ADAMTS17: variants seen among roughly 807,000 people sequenced by gnomAD.
ADAMTS17 encodes ADAM metallopeptidase with thrombospondin type 1 motif 17.
Under a neutral mutation model 141.5 loss-of-function variants are expected in ADAMTS17, and 113 were observed. The observed-to-expected ratio is 0.80, with a 90% confidence interval of 0.69 to 0.93. The LOEUF is 0.93. Among genes scored for constraint, ADAMTS17 ranks in the 40% least tolerant of loss-of-function variants. The pLI is 0.00. For missense variants in ADAMTS17, 1,659 were observed against 1,517.9 expected (o/e 1.09, Z -1.54); for synonymous variants, 768 against 630.6 (o/e 1.22, Z -3.27).
intron 8 of ADAMTS17, among the ~76,000 whole-genome samples, chr15:100,197,667 T>TC (rs2041170706): frequency 6.6e-6 from 1 of 152,142 alleles, no homozygotes; most frequent in South Asian, 2.1e-4. Context: ...TGGGTCAGTA[T>TC]CATGGGATTT....
At chr15:100,023,641 G>A (rs964087908) in intron 18 of ADAMTS17, among the ~76,000 whole-genome samples, 5 of 152,166 alleles carry the variant, frequency 3.3e-5, no homozygotes, top group Non-Finnish European at 7.3e-5. Context: ...GATGGTCCTT[G>A]TCCAAGTCCT....
chr15:100,279,965 C>T (rs1469387417), intron 4 of ADAMTS17, among the ~76,000 whole-genome samples: 3 of 152,178 alleles, frequency 2.0e-5, no homozygotes, highest in Non-Finnish European at 1.5e-5. Flanking sequence ...TTCTTCAGGA[C>T]AACCTCCTCC....
intron 3 of ADAMTS17, among the ~76,000 whole-genome samples, chr15:100,323,803 G>A (rs1263721653): frequency 6.6e-6 from 1 of 152,062 alleles, no homozygotes; most frequent in Non-Finnish European, 1.5e-5. Flanking sequence ...AAGCTGCACA[G>A]CATAAAATCA....
chr15:100,278,914 C>T (rs1213249918), intron 4 of ADAMTS17, among the ~76,000 whole-genome samples: 2 of 152,156 alleles, frequency 1.3e-5, no homozygotes, highest in African/African-American at 2.4e-5. Context: ...TCTCGGGCCT[C>T]CTTCAGCCTC....
At chr15:100,162,157 T>C (rs2039719585) in intron 8 of ADAMTS17, among the ~76,000 whole-genome samples, 1 of 152,058 alleles carries the variant, frequency 6.6e-6, no homozygotes, top group Non-Finnish European at 1.5e-5. Flanking sequence ...ACTCATACAA[T>C]ACACACAGCC....
intron 10 of ADAMTS17, among the ~76,000 whole-genome samples, chr15:100,143,678 C>T (rs2038764379): frequency 6.6e-6 from 1 of 152,142 alleles, no homozygotes; most frequent in Non-Finnish European, 1.5e-5. Context: ...GACAGACATT[C>T]AGTGGTGATA....
chr15:100,040,082 C>G (rs909654251), intron 18 of ADAMTS17, among the ~76,000 whole-genome samples: 8 of 152,136 alleles, frequency 5.3e-5, no homozygotes, highest in African/African-American at 1.9e-4. Context: ...TAAGTATACA[C>G]TCAGAAGGAG....
At chr15:100,247,942 G>A (rs960135172) in intron 7 of ADAMTS17, among the ~76,000 whole-genome samples, 2 of 152,126 alleles carry the variant, frequency 1.3e-5, no homozygotes, top group East Asian at 1.9e-4. Flanking sequence ...CAGTGGGCAC[G>A]TCTACCAAGC....
rs191876201 is a variant in ADAMTS17, at chr15:100,155,408, C to A, written c.1182-88G>T. 1.4e-5 allele frequency: 21 copies of A among 1,547,736 alleles called. No homozygotes were observed. The highest frequency in any genetic ancestry group is 4.8e-5 in the South Asian group (4 of 84,112). On this transcript the variant is annotated intron_variant, in intron 8 of 21. Transcript: ENST00000268070. ...GCTAGCGGACCATGCTAAGGTAAAT[C>A]AAGTCTTAAAAACAAAAACGGACGT...
At chr15:100,266,434 A>G (rs1270644725) in intron 4 of ADAMTS17, among the ~76,000 whole-genome samples, 1 of 152,222 alleles carries the variant, frequency 6.6e-6, no homozygotes, top group Non-Finnish European at 1.5e-5. Context: ...ACACAGAGCC[A>G]GGAGCCGAAC....
chr15:100,174,850 G>A (rs1236992353), intron 8 of ADAMTS17, among the ~76,000 whole-genome samples: 1 of 152,146 alleles, frequency 6.6e-6, no homozygotes, highest in Admixed American at 6.5e-5. Flanking sequence ...CTTTGTAGTT[G>A]ATAATGGGTC....
intron 13 of ADAMTS17, among the ~76,000 whole-genome samples, chr15:100,115,031 G>T (rs1024249383): frequency 6.6e-6 from 1 of 152,242 alleles, no homozygotes; most frequent in African/African-American, 2.4e-5. Flanking sequence ...TTTGAAGAGC[G>T]TGAGTCTGTC....
intron 12 of ADAMTS17, among the ~76,000 whole-genome samples, chr15:100,121,568 G>A (rs759082477): frequency 7.2e-5 from 11 of 152,042 alleles, no homozygotes; most frequent in Admixed American, 1.3e-4. Context: ...GAACAGAACC[G>A]TCAAGCAAGA....
intron 8 of ADAMTS17, among the ~76,000 whole-genome samples, chr15:100,194,385 C>G (rs1480358311): frequency 6.6e-6 from 1 of 152,236 alleles, no homozygotes; most frequent in Non-Finnish European, 1.5e-5. Context: ...CCTCGAAACA[C>G]AAGGCACTCA....
intron 15 of ADAMTS17, among the ~76,000 whole-genome samples, chr15:100,091,059 C>T (rs969214139): frequency 2.8e-5 from 4 of 140,854 alleles, no homozygotes; most frequent in African/African-American, 1.0e-4. Flanking sequence ...AGTCCCTGAA[C>T]TGAAAGGCAG....
In ADAMTS17 at chr15:100,086,553, G is replaced by A. The variant is rs188794125; in HGVS notation, c.2137+9803C>T. Reference sequence around the variant, plus strand: ...ATCAACAGAATATACATTCTTCTCAGCACCACACCACACTTATTCCAAAAT... The same window carrying A: ...ATCAACAGAATATACATTCTTCTCAACACCACACCACACTTATTCCAAAAT... On this transcript the variant is annotated intron_variant, in intron 15 of 21. Coordinates refer to ENST00000268070, the MANE Select transcript of ADAMTS17 (RefSeq NM_139057.4). Among the ~76,000 whole-genome samples the A allele has an allele frequency of 2.4e-3, 368 of 152,256 alleles. 2 individuals are homozygous for A. The highest frequency in any genetic ancestry group is 8.4e-3 in the African/African-American group (350 of 41,520).
In ADAMTS17 at chr15:100,314,030, C is replaced by T. The variant is rs8028013; in HGVS notation, c.616+16859G>A. On this transcript the variant is annotated intron_variant, in intron 3 of 21. Coordinates refer to ENST00000268070, the MANE Select transcript of ADAMTS17 (RefSeq NM_139057.4). ...AAACGTCAGACAAAACCACCCCAAA[C>T]GTCACCATGAAGAAACGTCAGACAA... Among the ~76,000 whole-genome samples the T allele has an allele frequency of 2.9e-3, 413 of 141,878 alleles. 5 individuals are homozygous for T. Among genetic ancestry groups the T allele is most frequent in the African/African-American group, 0.01 (379 of 36,454 alleles). 93.1% of individuals were successfully genotyped at this position (141,878 alleles called of 152,430 possible). A position where few individuals can be genotyped will look rare whatever the true frequency, so the allele number is the denominator to read the frequency against.
At chr15:100,238,447 G>T (rs1353143406) in intron 7 of ADAMTS17, among the ~76,000 whole-genome samples, 1 of 152,252 alleles carries the variant, frequency 6.6e-6, no homozygotes, top group African/African-American at 2.4e-5. Context: ...CTGGCACACA[G>T]TAGGCACTCA....
chr15:100,236,283 TAA>T (rs34689590), intron 7 of ADAMTS17, among the ~76,000 whole-genome samples: 13 of 128,486 alleles, frequency 1.0e-4, no homozygotes, highest in Non-Finnish European at 1.6e-4. Context: ...CCCACGACAT[TAA>T]AAAAAAAAAA....
Sources: gnomAD v4.1 joint callset for allele counts (sites outside exome capture counted in the v4.1 genomes callset) on GRCh38, gnomAD v4.1.1 for gene constraint, MANE v1.5 for transcripts, NCBI Gene and HGNC (gene_info 2026-07-23, HGNC 2026-07-21) for gene names.